KAZN: variants seen among roughly 807,000 people sequenced by gnomAD.
KAZN encodes the protein kazrin, periplakin interacting protein.
KAZN carries 40 observed loss-of-function variants against 87.4 expected under a neutral mutation model. That is an observed-to-expected ratio of 0.46 (90% confidence interval 0.36 to 0.60). The LOEUF is 0.60. KAZN is among the 20% of genes least tolerant of loss of function. KAZN has a pLI of 0.00. For synonymous variants in KAZN, 466 were observed against 458.3 expected (o/e 1.02, Z -0.22); for missense variants, 898 against 1,073.9 (o/e 0.84, Z 2.29).
intron 1 of KAZN, among the ~76,000 whole-genome samples, chr1:14,898,131 A>G (rs553798462): frequency 6.6e-6 from 1 of 152,294 alleles, no homozygotes; most frequent in African/African-American, 2.4e-5. Context: ...ATAAGCGAGA[A>G]TCCATTATCC....
chr1:14,839,488 G>A (rs1341813126), intron 1 of KAZN, among the ~76,000 whole-genome samples: 2 of 152,114 alleles, frequency 1.3e-5, no homozygotes, highest in Non-Finnish European at 2.9e-5. Context: ...ACCAAAGCAA[G>A]CCCTAAATGA....
chr1:14,013,072 A>G (rs1421961827), intron 1 of KAZN, among the ~76,000 whole-genome samples: 1 of 152,192 alleles, frequency 6.6e-6, no homozygotes, highest in Non-Finnish European at 1.5e-5. Context: ...AGATGTTTAA[A>G]GATGGTGACA....
chr1:14,972,951 C>T (rs1161807726), intron 2 of KAZN, among the ~76,000 whole-genome samples: 3 of 151,998 alleles, frequency 2.0e-5, no homozygotes, highest in Non-Finnish European at 4.4e-5. Context: ...TTTAGCAAAA[C>T]GTATCGAGCA....
At position 15,041,632 on chromosome 1, in the gene KAZN, C is replaced by T. The variant is rs533225363; in HGVS notation, c.556-2357C>T. On this transcript the variant is annotated intron_variant, in intron 3 of 14. Coordinates refer to ENST00000376030, the MANE Select transcript of KAZN (RefSeq NM_201628.3). ...GACTACAGGCATGAGCCACTGTGCC[C>T]GGCCACACTCCCCTCTTATGTCCAT... Among the ~76,000 whole-genome samples the T allele has an allele frequency of 1.1e-4, 17 of 152,178 alleles. No homozygotes were observed. In the East Asian group the frequency reaches 2.1e-3, roughly 19 times the overall value.
rs933043443 is a variant in KAZN, at chr1:15,066,339, C to T, written c.1222+586C>T. The T allele has an allele frequency of 2.0e-6, 2 of 975,722 alleles. No individual in the cohort carries two copies. The highest frequency in any genetic ancestry group is 2.4e-6 in the Non-Finnish European group (2 of 821,438). 60.4% of individuals were successfully genotyped at this position (975,722 alleles called of 1,614,324 possible). A position where few individuals can be genotyped will look rare whatever the true frequency, so the allele number is the denominator to read the frequency against. On this transcript the variant is annotated intron_variant, in intron 8 of 14. Transcript: ENST00000376030. This position sits in a 1 kb window ranked among gnomAD's most constrained non-coding sequence, Gnocchi z 4.3. ...GGTCTGTTTTTGATGTCCCCCCTCC[C>T]GCCCCCCTGGTGTGAACGTGTGGGA...
intron 2 of KAZN, among the ~76,000 whole-genome samples, chr1:14,465,244 A>G (rs1668057934): frequency 6.6e-6 from 1 of 151,800 alleles, no homozygotes; most frequent in African/African-American, 2.4e-5. Context: ...CTAAAAATAC[A>G]AAAAATTGGC....
At chr1:14,654,205 T>A (rs978701477) in intron 1 of KAZN, among the ~76,000 whole-genome samples, 2 of 147,530 alleles carry the variant, frequency 1.4e-5, no homozygotes, top group African/African-American at 2.6e-5. Flanking sequence ...AAAAATCGCT[T>A]GAATCCAGGC....
chr1:14,981,391 C>G (rs1018308813), intron 2 of KAZN, among the ~76,000 whole-genome samples: 4 of 152,236 alleles, frequency 2.6e-5, no homozygotes, highest in African/African-American at 9.6e-5. Context: ...TAGGTATTAA[C>G]AGAACTCCCA....
At chr1:14,389,828 A>C (rs947492526) in intron 2 of KAZN, among the ~76,000 whole-genome samples, 12 of 152,262 alleles carry the variant, frequency 7.9e-5, no homozygotes, top group African/African-American at 2.2e-4. Context: ...AAAATAATTT[A>C]ATTGCACATT....
In KAZN at chr1:14,104,437, C is replaced by T. The variant is rs1324456419; in HGVS notation, c.92-75998C>T. ...TTTTTTTTTAAAGGTTTCCTGCCATCTTGTTTAGATAAGGTGTTGAGAGAG... is the reference window on the plus strand; with the variant it reads ...TTTTTTTTTAAAGGTTTCCTGCCATTTTGTTTAGATAAGGTGTTGAGAGAG... On this transcript the variant is annotated intron_variant, in intron 1 of 16. Coordinates refer to the KAZN transcript ENST00000636203. Among the ~76,000 whole-genome samples, 4 of 152,190 alleles carry T rather than the reference C, an allele frequency of 2.6e-5. No homozygotes were observed. In the East Asian group the frequency reaches 7.7e-4, roughly 29 times the overall value.
intron 1 of KAZN, among the ~76,000 whole-genome samples, chr1:14,838,444 C>T (rs1647536919): frequency 6.6e-6 from 1 of 152,156 alleles, no homozygotes; most frequent in South Asian, 2.1e-4. Flanking sequence ...AAAGTCCAAA[C>T]CTCAGCTGGG....
chr1:14,946,338 C>A (rs531849146), intron 1 of KAZN, among the ~76,000 whole-genome samples: 1 of 128,354 alleles, frequency 7.8e-6, no homozygotes, highest in Non-Finnish European at 1.5e-5. Flanking sequence ...TTTTTTAATT[C>A]TCTCTTTTTT....
chr1:14,435,755 G>A (rs947801623), intron 2 of KAZN, among the ~76,000 whole-genome samples: 3 of 152,082 alleles, frequency 2.0e-5, no homozygotes, highest in African/African-American at 2.4e-5. Context: ...AGGGCCTAAC[G>A]ATATCTTCGA....
chr1:14,862,706 T>A (rs1361723746), intron 1 of KAZN, among the ~76,000 whole-genome samples: 1 of 152,170 alleles, frequency 6.6e-6, no homozygotes, highest in African/African-American at 2.4e-5. Context: ...GCACTGATAG[T>A]CATAGGAGCT....
At chr1:15,076,615 T>C (rs2100612339) in intron 8 of KAZN, among the ~76,000 whole-genome samples, 1 of 152,356 alleles carries the variant, frequency 6.6e-6, no homozygotes, top group Non-Finnish European at 1.5e-5. Flanking sequence ...ACCCAGGCCC[T>C]GAGTCTGGGC....
At chr1:13,957,990 C>T (rs1641607934) in intron 1 of KAZN, among the ~76,000 whole-genome samples, 1 of 152,170 alleles carries the variant, frequency 6.6e-6, no homozygotes, top group South Asian at 2.1e-4. Flanking sequence ...CAGTGCTGGA[C>T]ATTCAAGGAT....
intron 2 of KAZN, among the ~76,000 whole-genome samples, chr1:14,378,989 C>T (rs2101041603): frequency 6.7e-6 from 1 of 150,022 alleles, no homozygotes; most frequent in East Asian, 2.0e-4. Context: ...AGATTCCTTC[C>T]TTCTGCTTGA....
At chr1:15,103,294 CCA>C (rs1641151712) in intron 11 of KAZN, 63 bp from the exon 12 acceptor site, 1 of 1,196,608 alleles carries the variant, frequency 8.4e-7, no homozygotes, top group Admixed American at 2.0e-5. Flanking sequence ...CGGGGCACCC[CCA>C]CTCCACACGT....
chr1:15,110,511 G>T (rs79778240), intron 13 of KAZN, among the ~76,000 whole-genome samples: 48 of 91,210 alleles, frequency 5.3e-4, no homozygotes, highest in African/African-American at 1.7e-3. Context: ...GTGTATTTGT[G>T]TGTTTGTGTG....
Sources: allele counts gnomAD v4.1 joint callset (sites outside exome capture counted in the v4.1 genomes callset), GRCh38; gene constraint gnomAD v4.1.1; non-coding constraint Gnocchi (gnomAD v3.1); transcripts MANE v1.5; gene names NCBI Gene and HGNC (gene_info 2026-07-23, HGNC 2026-07-21).